Variants in MCM9 observed in about 807,000 individuals in gnomAD.
The protein encoded by MCM9 is minichromosome maintenance 9 homologous recombination repair factor, also known as DNA helicase MCM9.
Under a neutral mutation model 72.8 loss-of-function variants are expected in MCM9, and 55 were observed. That is an observed-to-expected ratio of 0.76 (90% CI 0.61 to 0.95). The LOEUF (loss-of-function observed/expected upper bound fraction) is 0.95, where lower values mean the gene tolerates loss of function less well. MCM9 is among the 40% of genes least tolerant of loss of function. The pLI, the probability that MCM9 is intolerant of heterozygous loss-of-function variation, is 0.00. For synonymous variants in MCM9, 480 were observed against 503.4 expected, an observed-to-expected ratio of 0.95 and a Z score of 0.62; for missense variants, 1,279 against 1,377.0, an observed-to-expected ratio of 0.93 and a Z score of 1.13.
intron 9 of MCM9, among the ~76,000 whole-genome samples, chr6:118,846,859 T>G (rs1775904468): frequency 6.6e-6 from 1 of 151,690 alleles, no homozygotes; most frequent in African/African-American, 2.4e-5. Context: ...TAAGACATTT[T>G]AAAATGAATG....
At chr6:118,933,136 T>C (rs1437377928) in intron 1 of MCM9, among the ~76,000 whole-genome samples, 1 of 151,304 alleles carries the variant, frequency 6.6e-6, no homozygotes. Flanking sequence ...GAGAGGGAGG[T>C]TAAATTTAAA....
At chr6:118,892,452 A>G (rs561183129) in intron 8 of MCM9, among the ~76,000 whole-genome samples, 10 of 152,344 alleles carry the variant, frequency 6.6e-5, no homozygotes, top group Non-Finnish European at 1.3e-4. Flanking sequence ...GATTTTAACA[A>G]GCATAAAATG....
At chr6:118,877,271 T>C (rs1777995693) in intron 8 of MCM9, among the ~76,000 whole-genome samples, 1 of 152,200 alleles carries the variant, frequency 6.6e-6, no homozygotes, top group South Asian at 2.1e-4. Flanking sequence ...CCTGCCCAAA[T>C]TGCAGATCTG....
At chr6:118,861,386 G>A (rs1419358738) in intron 8 of MCM9, among the ~76,000 whole-genome samples, 1 of 152,242 alleles carries the variant, frequency 6.6e-6, no homozygotes, top group Non-Finnish European at 1.5e-5. Context: ...AATGTGGTGA[G>A]TGAGGGACGT....
At chr6:118,837,887 T>G (rs950342280) in intron 9 of MCM9, among the ~76,000 whole-genome samples, 1 of 152,228 alleles carries the variant, frequency 6.6e-6, no homozygotes, top group African/African-American at 2.4e-5. Flanking sequence ...TATGTGTGAA[T>G]TTGATCCTGT....
At chr6:118,922,137 T>C in intron 4 of MCM9, 51 bp from the exon 5 acceptor site, 7 of 1,356,728 alleles carry the variant, frequency 5.2e-6, no homozygotes, top group Non-Finnish European at 7.2e-6. Context: ...ACATGTTAAG[T>C]ATCCAGAAGT....
intron 8 of MCM9, among the ~76,000 whole-genome samples, chr6:118,896,033 G>A (rs1159502177): frequency 7.0e-6 from 1 of 143,328 alleles, no homozygotes; most frequent in Non-Finnish European, 1.5e-5. Context: ...ACTTTAACAT[G>A]TGCCCCCGTT....
intron 8 of MCM9, chr6:118,893,909 C>T: frequency 3.5e-6 from 2 of 567,084 alleles, no homozygotes; most frequent in Non-Finnish European, 4.5e-6. Context: ...CGGGCGTCGG[C>T]CGGATCGCGC....
In MCM9 at chr6:118,931,765, A is replaced by T; in HGVS notation, c.-15-27T>A. On this transcript the variant is annotated intron_variant, in intron 2 of 13. Coordinates refer to ENST00000619706, the MANE Select transcript of MCM9 (RefSeq NM_017696.3). ...TAAAGAAAAAAAAAAGGATCATATT[A>T]TATATTTGATACTCAAGATGTACAC... 4 of 1,476,762 alleles carry T rather than the reference A, an allele frequency of 2.7e-6. No homozygotes were observed. In the South Asian group the frequency reaches 4.0e-5, roughly 15 times the overall value. The allele number at this position is 1,476,762 out of a possible 1,614,324, so 91.5% of individuals were successfully genotyped here.
rs1040722849 is a variant in MCM9 at position 118,854,206 on chromosome 6, T to C, written c.1325+2165A>G. On this transcript the variant is annotated intron_variant, in intron 9 of 13. Coordinates refer to ENST00000619706, the MANE Select transcript of MCM9 (RefSeq NM_017696.3). ...GACTTCTTCCTTTCTATTCTGAATG[T>C]CTTTTATTTCTTTTTCTTACTAAAC... Among the ~76,000 whole-genome samples the C allele has an allele frequency of 6.2e-4, 94 of 152,320 alleles. 3 individuals carry two copies. The highest frequency in any genetic ancestry group is 1.0e-3 in the South Asian group (5 of 4,822).
At chr6:118,868,065 C>G (rs776731849) in intron 8 of MCM9, among the ~76,000 whole-genome samples, 1 of 151,716 alleles carries the variant, frequency 6.6e-6, no homozygotes, top group African/African-American at 2.4e-5. Context: ...TTAGTAGAGA[C>G]GGGGTTTCAC....
At chr6:118,889,409 G>A (rs1245804019) in intron 8 of MCM9, among the ~76,000 whole-genome samples, 2 of 152,186 alleles carry the variant, frequency 1.3e-5, no homozygotes, top group African/African-American at 4.8e-5. Context: ...GCTTAGTAAT[G>A]GCTTTGTACG....
At chr6:118,869,631 A>T (rs2114304969) in intron 8 of MCM9, among the ~76,000 whole-genome samples, 1 of 140,460 alleles carries the variant, frequency 7.1e-6, no homozygotes, top group South Asian at 2.4e-4. Flanking sequence ...AAGCCAATTT[A>T]AAAAATGGCA....
At chr6:118,836,038 T>C (rs1774933680) in intron 9 of MCM9, among the ~76,000 whole-genome samples, 5 of 152,246 alleles carry the variant, frequency 3.3e-5, no homozygotes, top group Admixed American at 3.3e-4. Context: ...ACCTAGTTTA[T>C]TGAGAGTTTT....
intron 8 of MCM9, chr6:118,905,568 T>C: frequency 1.8e-6 from 2 of 1,117,924 alleles, no homozygotes; most frequent in East Asian, 2.5e-5. Flanking sequence ...CAACTGATGG[T>C]TCTAGGTAAC....
intron 8 of MCM9, among the ~76,000 whole-genome samples, chr6:118,861,181 C>T (rs539311773): frequency 2.7e-4 from 41 of 152,276 alleles, no homozygotes; most frequent in Non-Finnish European, 5.0e-4. Flanking sequence ...CTGGACCAGA[C>T]GTACCATAAG....
chr6:118,860,956 T>G (rs1217533622), intron 8 of MCM9, among the ~76,000 whole-genome samples: 1 of 152,208 alleles, frequency 6.6e-6, no homozygotes, highest in Non-Finnish European at 1.5e-5. Flanking sequence ...TTTACTCACA[T>G]CTGCTGGGCT....
intron 9 of MCM9, among the ~76,000 whole-genome samples, chr6:118,843,897 G>A: frequency 6.7e-6 from 1 of 148,460 alleles, no homozygotes; most frequent in African/African-American, 2.6e-5. Flanking sequence ...GAAAGCAAAA[G>A]CAGACATATT....
chr6:118,832,475 CAAAT>C (rs1239233565), intron 9 of MCM9, among the ~76,000 whole-genome samples: 3 of 152,156 alleles, frequency 2.0e-5, no homozygotes, highest in Non-Finnish European at 2.9e-5. Flanking sequence ...ATTTAAACGA[CAAAT>C]AAAAATAAAT....
Sources: gnomAD v4.1 joint callset for allele counts (sites outside exome capture counted in the v4.1 genomes callset) on GRCh38, gnomAD v4.1.1 for gene constraint, MANE v1.5 for transcripts, NCBI Gene and HGNC (gene_info 2026-07-23, HGNC 2026-07-21) for gene names.